CCDC85A: variants seen among roughly 807,000 people sequenced by gnomAD.
CCDC85A encodes the protein coiled-coil domain-containing protein 85A.
A neutral mutation model predicts 50.2 loss-of-function variants in CCDC85A; 38 were observed. That is an observed-to-expected ratio of 0.76 (90% CI 0.58 to 0.99). CCDC85A has a LOEUF of 0.99. Among genes scored for constraint, CCDC85A ranks in the 50% least tolerant of loss-of-function variants. The probability of loss-of-function intolerance (pLI) is 0.00; values close to 1 mark genes in which losing one functional copy is unlikely to be tolerated. For missense variants in CCDC85A, 820 were observed against 742.0 expected (o/e 1.11, Z -1.22); for synonymous variants, 366 against 301.4 (o/e 1.21, Z -2.22).
Position 56,184,919 on chromosome 2 carries a change from G to A in CCDC85A, c.276+19G>A, listed in dbSNP as rs1675937828. 1.4e-6 allele frequency: 2 copies of A among 1,462,592 alleles called. No homozygotes were observed. Among genetic ancestry groups the A allele is most frequent in the African/African-American group, 1.5e-5 (1 of 68,142 alleles). The allele number at this position is 1,462,592 out of a possible 1,614,324, so 90.6% of individuals were successfully genotyped here. On this transcript the variant is annotated intron_variant, in intron 1 of 5. Transcript: ENST00000407595. ...CCTCAAGGTGAGCGCGGGCCAGGTG[G>A]GGAGGCGCGGCGCGGCTGGGAGCGG...
chr2:56,209,241 C>T lies in CCDC85A; in HGVS notation c.1240+15801C>T, dbSNP rs73940622. On this transcript the variant is annotated intron_variant, in intron 2 of 5. Coordinates refer to ENST00000407595, the MANE Select transcript of CCDC85A (RefSeq NM_001080433.2). ...AAATAGAATGCTAATTTGTTGAACG[C>T]GACCTATTTGAAAGTAAACACTCTT... Among the ~76,000 whole-genome samples the T allele has an allele frequency of 4.3e-3, 653 of 152,146 alleles. 6 individuals carry two copies. Among genetic ancestry groups the T allele is most frequent in the African/African-American group, 0.015 (629 of 41,526 alleles).
rs539026512 is a variant in CCDC85A at position 56,366,004 on chromosome 2, G to A, written c.1318-6340G>A. On this transcript the variant is annotated intron_variant, in intron 3 of 5. Transcript: ENST00000407595. ...AGATTTCATATATGAGTACGATCATGCAGTATTTATCTTTCTGTGCCTGAC... is the reference window on the plus strand; with the variant it reads ...AGATTTCATATATGAGTACGATCATACAGTATTTATCTTTCTGTGCCTGAC... Among the ~76,000 whole-genome samples, 33 of 152,150 alleles carry A rather than the reference G, an allele frequency of 2.2e-4. 1 individual carries two copies. Among genetic ancestry groups the A allele is most frequent in the African/African-American group, 7.9e-4 (33 of 41,518 alleles).
intron 2 of CCDC85A, among the ~76,000 whole-genome samples, chr2:56,285,408 A>G (rs1671393068): frequency 6.7e-6 from 1 of 148,714 alleles, no homozygotes; most frequent in South Asian, 2.1e-4. Flanking sequence ...CTGGCCGAGT[A>G]CATTTTATTT....
At chr2:56,333,185 G>A (rs766846766) in intron 2 of CCDC85A, among the ~76,000 whole-genome samples, 5 of 152,204 alleles carry the variant, frequency 3.3e-5, no homozygotes, top group Admixed American at 2.0e-4. Context: ...GCAGGATAAA[G>A]CAGATCAGGA....
chr2:56,364,965 C>A lies in CCDC85A; in HGVS notation c.1318-7379C>A, dbSNP rs1465015438. On this transcript the variant is annotated intron_variant, in intron 3 of 5. Coordinates refer to ENST00000407595, the MANE Select transcript of CCDC85A (RefSeq NM_001080433.2). ...CCAGATCAATCTGTCCACCACCAAT[C>A]AGTTTCTGTTACATCTGTGGCTCCA... Among the ~76,000 whole-genome samples, 5 of 152,308 alleles carry A rather than the reference C, an allele frequency of 3.3e-5. No individual in the cohort carries two copies. The East Asian group carries it at 7.7e-4, about 24-fold the overall frequency.
intron 4 of CCDC85A, among the ~76,000 whole-genome samples, chr2:56,375,253 A>G (rs192343827): frequency 2.6e-5 from 4 of 152,362 alleles, no homozygotes; most frequent in Admixed American, 1.3e-4. Flanking sequence ...TATGTAGTTT[A>G]TATCTATTCT....
intron 2 of CCDC85A, among the ~76,000 whole-genome samples, chr2:56,278,043 G>C (rs1470470186): frequency 6.6e-6 from 1 of 152,188 alleles, no homozygotes; most frequent in Non-Finnish European, 1.5e-5. Context: ...TACCTTCAAA[G>C]ACCTTGCCAT....
chr2:56,308,765 C>A (rs2104216950), intron 2 of CCDC85A, among the ~76,000 whole-genome samples: 1 of 152,300 alleles, frequency 6.6e-6, no homozygotes, highest in South Asian at 2.1e-4. Flanking sequence ...GGCAAATCTG[C>A]TGCATACACT....
At chr2:56,355,352 A>AT (rs773027482) in intron 3 of CCDC85A, among the ~76,000 whole-genome samples, 4 of 151,482 alleles carry the variant, frequency 2.6e-5, no homozygotes, top group Admixed American at 6.6e-5. Flanking sequence ...TCTGTTCAGA[A>AT]TTTTTTTTTC....
chr2:56,224,059 A>G (rs1668443102), intron 2 of CCDC85A, among the ~76,000 whole-genome samples: 1 of 152,192 alleles, frequency 6.6e-6, no homozygotes, highest in Non-Finnish European at 1.5e-5. Flanking sequence ...GTGACTTTAG[A>G]ACATTTTTAT....
chr2:56,344,659 A>T (rs1024889736), intron 3 of CCDC85A, among the ~76,000 whole-genome samples: 16 of 152,032 alleles, frequency 1.1e-4, no homozygotes, highest in Admixed American at 2.6e-4. Context: ...TCCTTTTAAA[A>T]TTTTTTTGTG....
At chr2:56,196,563 G>C (rs1676527280) in intron 2 of CCDC85A, among the ~76,000 whole-genome samples, 1 of 152,202 alleles carries the variant, frequency 6.6e-6, no homozygotes, top group African/African-American at 2.4e-5. Context: ...CAAAATGAAA[G>C]AGTTGTGCTT....
chr2:56,206,766 C>T (rs1420680248), intron 2 of CCDC85A, among the ~76,000 whole-genome samples: 2 of 152,190 alleles, frequency 1.3e-5, no homozygotes, highest in African/African-American at 2.4e-5. Context: ...GGTTCCTGAA[C>T]AAAGAGGTTT....
At chr2:56,204,771 C>A (rs1676895025) in intron 2 of CCDC85A, among the ~76,000 whole-genome samples, 1 of 152,176 alleles carries the variant, frequency 6.6e-6, no homozygotes, top group East Asian at 1.9e-4. Flanking sequence ...TATAAAGAAC[C>A]ATTGTTCTAC....
intron 2 of CCDC85A, among the ~76,000 whole-genome samples, chr2:56,232,456 A>C (rs564041992): frequency 1.3e-5 from 2 of 152,316 alleles, no homozygotes; most frequent in African/African-American, 4.8e-5. Flanking sequence ...GGGCAGGACC[A>C]GGTGGAGGTA....
chr2:56,267,767 C>T (rs1670516933), intron 2 of CCDC85A, among the ~76,000 whole-genome samples: 1 of 152,152 alleles, frequency 6.6e-6, no homozygotes, highest in Non-Finnish European at 1.5e-5. Flanking sequence ...TTTTGAACTT[C>T]TGAATAGAAT....
At chr2:56,275,284 T>C (rs1378997973) in intron 2 of CCDC85A, among the ~76,000 whole-genome samples, 1 of 152,180 alleles carries the variant, frequency 6.6e-6, no homozygotes, top group Non-Finnish European at 1.5e-5. Context: ...CCTGTATTCA[T>C]TTTTTAACAT....
intron 2 of CCDC85A, among the ~76,000 whole-genome samples, chr2:56,241,968 T>C (rs1669276645): frequency 6.6e-6 from 1 of 152,220 alleles, no homozygotes; most frequent in South Asian, 2.1e-4. Context: ...TGTTCCTTTT[T>C]CTCCACATAC....
chr2:56,193,432 G>C lies in CCDC85A; in HGVS notation c.1232G>C (p.Gly411Ala). ...CCCCATCACCGGAATGTCTACAGTG[G>C]CATGAACGGTGGGTCAGTATGTGCT... ...GSPHHRNVYSGMNESTLSYVR... is the reference protein window; with the variant it reads ...GSPHHRNVYSAMNESTLSYVR... The change falls in exon 2 of 6, where the codon GGC becomes GCC. Residue 411 changes from glycine (G) to alanine (A), a missense_variant. Physicochemically the swap from Gly to Ala is moderately conservative, Grantham distance 60. Coordinates refer to ENST00000407595, the MANE Select transcript of CCDC85A (RefSeq NM_001080433.2). 1 of 1,602,890 alleles carries C rather than the reference G, an allele frequency of 6.2e-7. No individual in the cohort carries two copies. Among genetic ancestry groups the C allele is most frequent in the Non-Finnish European group, 8.5e-7 (1 of 1,174,870 alleles).
Sources: gnomAD v4.1 joint callset for allele counts (sites outside exome capture counted in the v4.1 genomes callset) on GRCh38, gnomAD v4.1.1 for gene constraint, MANE v1.5 for transcripts, NCBI Gene and HGNC (gene_info 2026-07-23, HGNC 2026-07-21) for gene names.